SLIT2: variants seen among roughly 807,000 people sequenced by gnomAD.
SLIT2 encodes slit guidance ligand 2.
SLIT2 carries 41 observed loss-of-function variants against 185.7 expected under a neutral mutation model. That is an observed-to-expected ratio of 0.22 (90% CI 0.17 to 0.29). SLIT2 has a LOEUF of 0.29. Among genes scored for constraint, SLIT2 ranks in the 10% least tolerant of loss-of-function variants. SLIT2 has a pLI of 1.00. For synonymous variants in SLIT2, 693 were observed against 680.2 expected, an observed-to-expected ratio of 1.02 and a Z score of -0.29; for missense variants, 1,571 against 1,909.0, an observed-to-expected ratio of 0.82 and a Z score of 3.30.
At chr4:20,388,808 A>T (rs1261104611) in intron 4 of SLIT2, among the ~76,000 whole-genome samples, 2 of 141,666 alleles carry the variant, frequency 1.4e-5, no homozygotes, top group African/African-American at 5.1e-5. Context: ...TATATATATA[A>T]CATATGTAAA....
At chr4:20,560,025 T>C (rs1416024302) in intron 26 of SLIT2, among the ~76,000 whole-genome samples, 1 of 151,976 alleles carries the variant, frequency 6.6e-6, no homozygotes, top group East Asian at 1.9e-4. Flanking sequence ...AGTACTATAC[T>C]ATTAAGCATA....
At chr4:20,444,394 A>G (rs1711545077) in intron 4 of SLIT2, among the ~76,000 whole-genome samples, 1 of 152,194 alleles carries the variant, frequency 6.6e-6, no homozygotes, top group Admixed American at 6.5e-5. Flanking sequence ...TTTCTTAAAA[A>G]AAAAAAAATT....
intron 4 of SLIT2, among the ~76,000 whole-genome samples, chr4:20,449,156 T>G (rs1712181137): frequency 6.6e-6 from 1 of 152,148 alleles, no homozygotes; most frequent in African/African-American, 2.4e-5. Flanking sequence ...TCAATTAAAG[T>G]GATTAATTTT....
intron 4 of SLIT2, among the ~76,000 whole-genome samples, chr4:20,318,187 C>T (rs1195022108): frequency 6.6e-6 from 1 of 152,026 alleles, no homozygotes; most frequent in Non-Finnish European, 1.5e-5. Context: ...TTGTTGATCC[C>T]CTCAGTAGAT....
At chr4:20,284,561 TA>T (rs1715090978) in intron 4 of SLIT2, among the ~76,000 whole-genome samples, 1 of 152,210 alleles carries the variant, frequency 6.6e-6, no homozygotes, top group Non-Finnish European at 1.5e-5. Flanking sequence ...ATCATCTTTT[TA>T]ATATCTTTGC....
intron 4 of SLIT2, among the ~76,000 whole-genome samples, chr4:20,467,436 A>T (rs535381474): frequency 2.0e-5 from 3 of 152,214 alleles, no homozygotes; most frequent in Admixed American, 2.0e-4. Flanking sequence ...TGAACAATTT[A>T]CTATTCTTTA....
At chr4:20,601,271 G>C (rs953105647) in intron 33 of SLIT2, among the ~76,000 whole-genome samples, 11 of 152,192 alleles carry the variant, frequency 7.2e-5, no homozygotes, top group Admixed American at 7.2e-4. Flanking sequence ...GTGTGTCTTG[G>C]ACAGATTGCT....
At chr4:20,524,214 A>C in intron 14 of SLIT2, 37 bp downstream of exon 14, 1 of 1,599,970 alleles carries the variant, frequency 6.3e-7, no homozygotes, top group Non-Finnish European at 8.6e-7. Context: ...TGTGACCAAC[A>C]ACAATGGTTA....
At chr4:20,328,976 G>A (rs2109192822) in intron 4 of SLIT2, among the ~76,000 whole-genome samples, 1 of 152,152 alleles carries the variant, frequency 6.6e-6, no homozygotes, top group Non-Finnish European at 1.5e-5. Context: ...GAGAGACAGA[G>A]ATATTAATTC....
At chr4:20,538,080 C>T (rs1041326748) in intron 18 of SLIT2, among the ~76,000 whole-genome samples, 46 of 152,334 alleles carry the variant, frequency 3.0e-4, no homozygotes, top group South Asian at 1.0e-3. Flanking sequence ...CTGCCTCAGC[C>T]TCCTGAGTAG....
intron 13 of SLIT2, 32 bp from the exon 14 acceptor site, chr4:20,523,982 T>A (rs1216812143): frequency 6.2e-7 from 1 of 1,613,266 alleles, no homozygotes; most frequent in Admixed American, 1.7e-5. Context: ...TTGCAAGTCA[T>A]CTATAAAACT....
At chr4:20,545,249 T>G (rs1442184416) in intron 21 of SLIT2, among the ~76,000 whole-genome samples, 2 of 152,042 alleles carry the variant, frequency 1.3e-5, no homozygotes, top group African/African-American at 2.4e-5. Context: ...GAATGACATT[T>G]GCACCCTTCA....
intron 29 of SLIT2, among the ~76,000 whole-genome samples, chr4:20,574,014 G>C (rs545685686): frequency 9.3e-5 from 14 of 151,212 alleles, no homozygotes; most frequent in Non-Finnish European, 1.6e-4. Context: ...GAGTGCAGTG[G>C]CGCAATCTCG....
At chr4:20,295,813 C>T (rs1716405805) in intron 4 of SLIT2, among the ~76,000 whole-genome samples, 1 of 150,862 alleles carries the variant, frequency 6.6e-6, no homozygotes, top group Non-Finnish European at 1.5e-5. Flanking sequence ...TAATTGCAGC[C>T]TTCATTTCTC....
At position 20,281,531 on chromosome 4, in the gene SLIT2, T is replaced by C. The variant is rs538568347; in HGVS notation, c.395+12650T>C. Among the ~76,000 whole-genome samples, 3 of 152,272 alleles carry C rather than the reference T, an allele frequency of 2.0e-5. No individual in the cohort carries two copies. The South Asian group carries it at 6.2e-4, about 32-fold the overall frequency. ...TGAAGGCAAAGGAATCTGGAGTCTG[T>C]TTCTAAGAGGAGAGCTTCTCTCTGA... is the stretch of plus-strand genomic sequence containing the variant. On this transcript the variant is annotated intron_variant, in intron 4 of 36. Transcript: ENST00000504154.
At chr4:20,565,843 A>G (rs2148911336) in intron 26 of SLIT2, among the ~76,000 whole-genome samples, 2 of 152,140 alleles carry the variant, frequency 1.3e-5, no homozygotes, top group South Asian at 4.2e-4. Flanking sequence ...ACATTTCAAG[A>G]GTTTTTTAAT....
At chr4:20,583,243 A>G (rs1327634202) in intron 29 of SLIT2, among the ~76,000 whole-genome samples, 1 of 152,108 alleles carries the variant, frequency 6.6e-6, no homozygotes, top group Non-Finnish European at 1.5e-5. Context: ...GTTTACCATT[A>G]TACTTCTAGC....
At chr4:20,451,132 G>C (rs532318833) in intron 4 of SLIT2, among the ~76,000 whole-genome samples, 52 of 152,236 alleles carry the variant, frequency 3.4e-4, no homozygotes, top group African/African-American at 1.2e-3. Context: ...CAAGGACAGA[G>C]GTCACTGTTG....
intron 5 of SLIT2, among the ~76,000 whole-genome samples, chr4:20,468,264 A>G (rs911190311): frequency 2.6e-5 from 4 of 151,940 alleles, no homozygotes; most frequent in Admixed American, 2.6e-4. Flanking sequence ...ATGGACTATT[A>G]TTTTCTGGAA....
Sources: gnomAD v4.1 joint callset for allele counts (sites outside exome capture counted in the v4.1 genomes callset) on GRCh38, gnomAD v4.1.1 for gene constraint, MANE v1.5 for transcripts, NCBI Gene and HGNC (gene_info 2026-07-23, HGNC 2026-07-21) for gene names.